Variants in ECE1 observed in about 807,000 individuals in gnomAD.
The protein encoded by ECE1 is endothelin converting enzyme 1.
Under a neutral mutation model 98.6 loss-of-function variants are expected in ECE1, and 35 were observed. The observed-to-expected ratio is 0.35, with a 90% CI of 0.27 to 0.47. ECE1 has a LOEUF of 0.47. Ranked by LOEUF, ECE1 falls within the 20% of genes least tolerant of loss-of-function variation. The probability of loss-of-function intolerance (pLI) is 1.00; values close to 1 mark genes in which losing one functional copy is unlikely to be tolerated. For missense variants in ECE1, 814 were observed against 1,025.3 expected (o/e 0.79, Z 2.81); for synonymous variants, 394 against 407.1 (o/e 0.97, Z 0.39).
chr1:21,248,753 T>C (rs1343413040), intron 8 of ECE1, among the ~76,000 whole-genome samples: 1 of 149,866 alleles, frequency 6.7e-6, no homozygotes, highest in African/African-American at 2.5e-5. Context: ...GCCTCCCTAG[T>C]AGCTGGGATT....
At position 21,247,202 on chromosome 1, in the gene ECE1, C is replaced by T. The variant is rs1456475580; in HGVS notation, c.1163+19G>A. On this transcript the variant is annotated intron_variant, in intron 9 of 18. Transcript: ENST00000374893. ...CTGTCTGTGAGAGGCGTGCCCCAGGCCACTGGGGGTCCTCTTACCATCTGT... is the reference window on the plus strand; with the variant it reads ...CTGTCTGTGAGAGGCGTGCCCCAGGTCACTGGGGGTCCTCTTACCATCTGT... The T allele has an allele frequency of 1.2e-5, 20 of 1,613,990 alleles. No individual in the cohort carries two copies. Among genetic ancestry groups the T allele is most frequent in the Non-Finnish European group, 1.4e-5 (17 of 1,180,012 alleles).
In ECE1 at chr1:21,220,030, G is replaced by A; in HGVS notation, c.2238C>T (p.Ser746=). ...AGCGGAAGTGTTCTGAGAACTCCTT[G>A]GAATTGGAGAGGGAGCCGATGACCC... ...RFRVIGSLSN[S]KEFSEHFRCP... Residue 746 remains serine, a synonymous_variant, in exon 19 of 19, where the codon TCC becomes TCT. Coordinates refer to ENST00000374893, the MANE Select transcript of ECE1 (RefSeq NM_001397.3). The surrounding 1 kb of genome is among the most constrained non-coding windows in gnomAD (Gnocchi z 5.0). 7 of 1,614,250 alleles carry A rather than the reference G, an allele frequency of 4.3e-6. No individual in the cohort carries two copies. Among genetic ancestry groups the A allele is most frequent in the Non-Finnish European group, 5.9e-6 (7 of 1,180,050 alleles).
chr1:21,224,116 A>G (rs1225154044), intron 17 of ECE1, among the ~76,000 whole-genome samples: 2 of 151,700 alleles, frequency 1.3e-5, no homozygotes, highest in African/African-American at 4.8e-5. Context: ...TGGCCTCTGC[A>G]CTTGCTCTTC....
At position 21,233,998 on chromosome 1, in the gene ECE1, T is replaced by C. The variant is rs1014905808; in HGVS notation, c.1567-337A>G. On this transcript the variant is annotated intron_variant, in intron 13 of 18. Coordinates refer to ENST00000374893, the MANE Select transcript of ECE1 (RefSeq NM_001397.3). This position sits in a 1 kb window ranked among gnomAD's most constrained non-coding sequence, Gnocchi z 4.0. ...CTACTAAGCATTTCTTTCTTTCTTT[T>C]TTTTTTGAGACGGGAATCTTGATCT... Among the ~76,000 whole-genome samples, 3 of 152,190 alleles carry C rather than the reference T, an allele frequency of 2.0e-5. No individual in the cohort carries two copies. Among genetic ancestry groups the C allele is most frequent in the African/African-American group, 7.2e-5 (3 of 41,450 alleles).
intron 8 of ECE1, among the ~76,000 whole-genome samples, chr1:21,252,378 C>T (rs2098213939): frequency 6.6e-6 from 1 of 152,248 alleles, no homozygotes; most frequent in African/African-American, 2.4e-5. Context: ...TTGTGACTCA[C>T]ACCCTCTGGG....
chr1:21,315,515 C>T (rs1394677631), intron 1 of ECE1, among the ~76,000 whole-genome samples: 2 of 152,116 alleles, frequency 1.3e-5, no homozygotes, highest in Non-Finnish European at 2.9e-5. Context: ...TGCTCCTGGC[C>T]GGGCATGGGG....
Position 21,279,265 on chromosome 1 carries a change from A to G in ECE1, c.206T>C (p.Leu69Pro). The G allele has an allele frequency of 6.2e-7, 1 of 1,614,138 alleles. No homozygotes were observed. Among genetic ancestry groups the G allele is most frequent in the African/African-American group, 1.3e-5 (1 of 75,022 alleles). ...CGCCAGAAGTACCACCAACACCACC[A>G]GCCGCTTCTCCACCTGGGTCCGTGC... ...WAARTQVEKR[L>P]VVLVVLLAAG... Residue 69 changes from leucine to proline, a missense_variant, in exon 3 of 19, where the codon CTG (leucine) becomes CCG (proline). Leu to Pro is a moderately conservative substitution (Grantham distance 98). Transcript: ENST00000374893.
At position 21,322,837 on chromosome 1, in the gene ECE1, C is replaced by T. The variant is rs138699135; in HGVS notation, c.3+22539G>A. Among the ~76,000 whole-genome samples, 287 of 152,250 alleles carry T rather than the reference C, an allele frequency of 1.9e-3. No individual in the cohort carries two copies. Among genetic ancestry groups the T allele is most frequent in the African/African-American group, 5.6e-3 (231 of 41,552 alleles). On this transcript the variant is annotated intron_variant, in intron 1 of 18. Coordinates refer to the ECE1 transcript ENST00000415912. This position sits in a 1 kb window ranked among gnomAD's most constrained non-coding sequence, Gnocchi z 4.1. ...AGTGGGCATGGCCCCCGGAAGAGGACGCACATGGATCCGCCCTCTGCTGGA... is the reference window on the plus strand; with the variant it reads ...AGTGGGCATGGCCCCCGGAAGAGGATGCACATGGATCCGCCCTCTGCTGGA...
At chr1:21,254,068 CAAAAAAA>C (rs57691016) in intron 8 of ECE1, among the ~76,000 whole-genome samples, 5,455 of 99,082 alleles carry the variant, frequency 0.055, 129 homozygotes, top group Non-Finnish European at 0.077. Flanking sequence ...GACTTTGTCT[CAAAAAAA>C]AAAAAAAAAA....
At chr1:21,290,483 A>C, upstream of ECE1, 1 of 1,221,632 alleles carries the variant, frequency 8.2e-7, no homozygotes, top group Non-Finnish European at 1.0e-6. The surrounding 1 kb of genome is among the most constrained non-coding windows in gnomAD (Gnocchi z 7.3). Flanking sequence ...CAGGCGTTGC[A>C]CCACCTTCGC....
At position 21,307,102 on chromosome 1, in the gene ECE1, C is replaced by A. The variant is rs1260123843; in HGVS notation, c.4-16946G>T. On this transcript the variant is annotated intron_variant, in intron 1 of 18. Transcript: ENST00000415912. The surrounding 1 kb of genome is among the most constrained non-coding windows in gnomAD (Gnocchi z 4.2). Reference sequence around the variant, plus strand: ...CTCCCTCGTCTCCCTGCACTCAAGACTCTCCCCTTCCTCTGGGTCCAGCAT... The same window carrying A: ...CTCCCTCGTCTCCCTGCACTCAAGAATCTCCCCTTCCTCTGGGTCCAGCAT... Among the ~76,000 whole-genome samples the A allele has an allele frequency of 2.0e-5, 3 of 152,246 alleles. No individual in the cohort carries two copies. Among genetic ancestry groups the A allele is most frequent in the Non-Finnish European group, 4.4e-5 (3 of 68,042 alleles).
chr1:21,236,611 A>G, intron 12 of ECE1, 135 bp downstream of exon 12: 3 of 842,084 alleles, frequency 3.6e-6, no homozygotes, highest in Non-Finnish European at 3.9e-6. Context: ...ATCGCACCAT[A>G]GCACTCCAGC....
At position 21,231,498 on chromosome 1, in the gene ECE1, T is replaced by C. The variant is rs189096820; in HGVS notation, c.1670+2060A>G. 1.1e-3 allele frequency among the ~76,000 whole-genome samples: 165 copies of C among 152,230 alleles called. 4 individuals are homozygous for C. The South Asian group carries it at 0.023, about 22-fold the overall frequency. On this transcript the variant is annotated intron_variant, in intron 14 of 18. Transcript: ENST00000374893. ...CTGGGATTACAGGTGTCTACCACCA[T>C]GCGTGGCTAATTTTTGTATATTTAG...
At chr1:21,336,484 C>T (rs1639306882) in intron 1 of ECE1, among the ~76,000 whole-genome samples, 1 of 152,104 alleles carries the variant, frequency 6.6e-6, no homozygotes, top group African/African-American at 2.4e-5. Flanking sequence ...CACCTGAGGT[C>T]AGGAGTTCGA....
Position 21,220,510 on chromosome 1 carries a change from C to T in ECE1, c.2137-379G>A, listed in dbSNP as rs1287979144. Among the ~76,000 whole-genome samples the T allele has an allele frequency of 4.6e-5, 7 of 151,348 alleles. No individual in the cohort carries two copies. Among genetic ancestry groups the T allele is most frequent in the Non-Finnish European group, 8.9e-5 (6 of 67,744 alleles). On this transcript the variant is annotated intron_variant, in intron 18 of 18. Coordinates refer to ENST00000374893, the MANE Select transcript of ECE1 (RefSeq NM_001397.3). This position sits in a 1 kb window ranked among gnomAD's most constrained non-coding sequence, Gnocchi z 5.0. ...TGAGATCCTGTCTCAAAAAGCAAAA[C>T]AAGGTTGGGTGTGGTGGCTCATACC...
At chr1:21,292,659 G>C (rs544917477), upstream of ECE1, among the ~76,000 whole-genome samples, 2 of 152,290 alleles carry the variant, frequency 1.3e-5, no homozygotes, top group South Asian at 4.1e-4. Context: ...CCATCACCCG[G>C]CACAGAGTAG....
chr1:21,335,327 A>C, intron 1 of ECE1, among the ~76,000 whole-genome samples: 1 of 151,796 alleles, frequency 6.6e-6, no homozygotes, highest in African/African-American at 2.4e-5. Context: ...TCTCGGAGCG[A>C]TCCTTCTGGT....
Position 21,275,519 on chromosome 1 carries a change from C to T in ECE1, c.281-2608G>A, listed in dbSNP as rs149849488. ...CTGAGGCAGGAGAATCTTTTGAACC[C>T]GGGAGGCGGAGATTGCAGTGAGCCA... On this transcript the variant is annotated intron_variant, in intron 3 of 18. Transcript: ENST00000374893. Among the ~76,000 whole-genome samples, 748 of 152,180 alleles carry T rather than the reference C, an allele frequency of 4.9e-3. 7 individuals are homozygous for T. Among genetic ancestry groups the T allele is most frequent in the African/African-American group, 0.017 (720 of 41,510 alleles).
chr1:21,276,630 C>T (rs931421600), intron 3 of ECE1, among the ~76,000 whole-genome samples: 1 of 151,490 alleles, frequency 6.6e-6, no homozygotes. Context: ...TAAACACGTA[C>T]TATGTGTCCA....
Sources: gnomAD v4.1 joint callset for allele counts (sites outside exome capture counted in the v4.1 genomes callset) on GRCh38, gnomAD v4.1.1 for gene constraint, Gnocchi (gnomAD v3.1) non-coding constraint, MANE v1.5 for transcripts, NCBI Gene and HGNC (gene_info 2026-07-23, HGNC 2026-07-21) for gene names.